SYPL2: variants seen among roughly 807,000 people sequenced by gnomAD.
SYPL2 encodes the protein synaptophysin-like protein 2.
In SYPL2, 24 loss-of-function variants were observed where a neutral mutation model predicts 31.3. That is an observed-to-expected ratio of 0.77 (90% confidence interval 0.56 to 1.08). The LOEUF (loss-of-function observed/expected upper bound fraction) is 1.08, where lower values mean the gene tolerates loss of function less well. Ranked by LOEUF, SYPL2 falls within the 50% of genes least tolerant of loss-of-function variation. The pLI is 0.00. For missense variants in SYPL2, 342 were observed against 360.1 expected (o/e 0.95, Z 0.41); for synonymous variants, 144 against 143.1 (o/e 1.01, Z -0.05).
rs1656108445 is a variant in SYPL2 at position 109,479,644 on chromosome 1, C to T, written c.*96C>T. 1.3e-6 allele frequency: 2 copies of T among 1,515,008 alleles called. No individual in the cohort carries two copies. Among genetic ancestry groups the T allele is most frequent in the South Asian group, 1.3e-5 (1 of 78,318 alleles). 93.8% of individuals were successfully genotyped at this position (1,515,008 alleles called of 1,614,324 possible). On this transcript the variant is annotated 3_prime_UTR_variant, in exon 6 of 6. Transcript: ENST00000369872. ...CTCTTCCTCCTCCTCCAATTCCCCT[C>T]CCCCATCATTCTGGTCTTTGAGCTT...
In SYPL2 at chr1:109,467,131, T is replaced by C. The variant is rs1374569642; in HGVS notation, c.127T>C (p.Trp43Arg). The C allele has an allele frequency of 7.1e-6, 11 of 1,541,342 alleles. No homozygotes were observed. The highest frequency in any genetic ancestry group is 9.6e-6 in the Non-Finnish European group (11 of 1,144,966). ...GCTGGGCTTCATCAAAGTTCTCCAG[T>C]GGGTGAGTCGCTGCCCCGGCCCCGG... ...EPLGFIKVLQ[W>R]LFAIFAFGSC... Residue 43 changes from tryptophan to arginine, a missense_variant and splice_region_variant, in exon 2 of 6, where the codon TGG becomes CGG. Trp to Arg is a moderately radical substitution (Grantham distance 101). Transcript: ENST00000369872.
chr1:109,469,371 T>A (rs1571058153), intron 2 of SYPL2, among the ~76,000 whole-genome samples: 1 of 16,648 alleles, frequency 6.0e-5, no homozygotes, highest in South Asian at 2.7e-3. Flanking sequence ...TATCTTAGAG[T>A]TTTTTTTTTT....
At chr1:109,475,931 C>T (rs543097887) in intron 3 of SYPL2, among the ~76,000 whole-genome samples, 1 of 152,314 alleles carries the variant, frequency 6.6e-6, no homozygotes, top group East Asian at 1.9e-4. Context: ...TAATAATGTT[C>T]CAGTCCATGG....
intron 2 of SYPL2, 111 bp from the exon 3 acceptor site, chr1:109,475,470 C>G (rs927794549): frequency 2.1e-5 from 30 of 1,405,308 alleles, no homozygotes; most frequent in Non-Finnish European, 2.8e-5. Flanking sequence ...GGGATCCTCA[C>G]TCTCCCCCAC....
chr1:109,479,073 G>A (rs1193622806), intron 5 of SYPL2, among the ~76,000 whole-genome samples: 5 of 152,252 alleles, frequency 3.3e-5, no homozygotes, highest in African/African-American at 4.8e-5. Context: ...CCCCAGGGCT[G>A]ACTTTTGCTT....
intron 2 of SYPL2, among the ~76,000 whole-genome samples, chr1:109,474,160 CAG>C (rs1257384189): frequency 6.6e-6 from 1 of 152,144 alleles, no homozygotes; most frequent in Non-Finnish European, 1.5e-5. Flanking sequence ...AAGAAAGATA[CAG>C]AGAGTGAACA....
intron 3 of SYPL2, 134 bp downstream of exon 3, chr1:109,475,839 C>G (rs1655984170): frequency 7.5e-7 from 1 of 1,324,708 alleles, no homozygotes; most frequent in Non-Finnish European, 1.0e-6. Flanking sequence ...AATGACAAAA[C>G]TTAGATCCTT....
chr1:109,474,318 CTTTTCTT>C (rs1314098997), intron 2 of SYPL2, among the ~76,000 whole-genome samples: 3 of 119,452 alleles, frequency 2.5e-5, no homozygotes, highest in African/African-American at 1.1e-4. Flanking sequence ...CTTTTCTTTT[CTTTTCTT>C]TTTTTTTTTT....
chr1:109,475,817 A>G (rs1046597284), intron 3 of SYPL2, 112 bp downstream of exon 3: 16 of 1,429,236 alleles, frequency 1.1e-5, no homozygotes, highest in Non-Finnish European at 1.3e-5. Context: ...GTGCCACTCC[A>G]GATTCAAATA....
At position 109,466,715 on chromosome 1, in the gene SYPL2, C is replaced by T; in HGVS notation, c.-129C>T. On this transcript the variant is annotated 5_prime_UTR_variant, in exon 1 of 6. Coordinates refer to ENST00000369872, the MANE Select transcript of SYPL2 (RefSeq NM_001040709.2). The stretch of plus-strand genomic sequence containing the variant: ...AGACTGGACTCCGGCCCACCGACGG[C>T]CGCTCGCGCTCCGGCCCCGCTCGCC... 2.0e-6 allele frequency: 2 copies of T among 1,020,348 alleles called. No homozygotes were observed. Among genetic ancestry groups the T allele is most frequent in the Non-Finnish European group, 2.6e-6 (2 of 773,074 alleles). The allele number at this position is 1,020,348 out of a possible 1,614,324, so 63.2% of individuals were successfully genotyped here. A position where few individuals can be genotyped will look rare whatever the true frequency, so the allele number is the denominator to read the frequency against.
intron 2 of SYPL2, among the ~76,000 whole-genome samples, chr1:109,473,728 T>A (rs1268638859): frequency 6.6e-6 from 1 of 151,364 alleles, no homozygotes; most frequent in Non-Finnish European, 1.5e-5. Flanking sequence ...CCGTCTCTAC[T>A]AAAAAAAATA....
intron 2 of SYPL2, among the ~76,000 whole-genome samples, chr1:109,474,080 C>T (rs1302322286): frequency 1.3e-5 from 2 of 152,166 alleles, no homozygotes; most frequent in East Asian, 1.9e-4. Flanking sequence ...CTATTCTAGA[C>T]TCTGGATGCA....
At chr1:109,468,056 A>G (rs1189344315) in intron 2 of SYPL2, among the ~76,000 whole-genome samples, 1 of 152,204 alleles carries the variant, frequency 6.6e-6, no homozygotes, top group Non-Finnish European at 1.5e-5. Context: ...TAGTGGAAAT[A>G]CTATCTTGCT....
chr1:109,467,720 G>A (rs188121649), intron 2 of SYPL2, among the ~76,000 whole-genome samples: 31 of 152,216 alleles, frequency 2.0e-4, no homozygotes, highest in Admixed American at 9.2e-4. Context: ...GGAGCTTGTG[G>A]TTCTATGATT....
chr1:109,472,823 C>G (rs1182670563), intron 2 of SYPL2, among the ~76,000 whole-genome samples: 1 of 151,636 alleles, frequency 6.6e-6, no homozygotes, highest in East Asian at 1.9e-4. Flanking sequence ...GCTATGTTGC[C>G]TATATGTTGC....
intron 2 of SYPL2, among the ~76,000 whole-genome samples, chr1:109,472,512 G>A (rs886229545): frequency 2.6e-5 from 4 of 151,916 alleles, no homozygotes; most frequent in Non-Finnish European, 4.4e-5. Context: ...AGATGCTCAG[G>A]AGTGCCTTTC....
intron 2 of SYPL2, among the ~76,000 whole-genome samples, chr1:109,474,409 C>T (rs1278840): frequency 6.7e-6 from 1 of 149,244 alleles, no homozygotes; most frequent in African/African-American, 2.5e-5. Context: ...ACGATCTCGG[C>T]TCACTGCAAC....
intron 2 of SYPL2, 73 bp downstream of exon 2, chr1:109,467,206 G>T: frequency 7.1e-7 from 1 of 1,401,642 alleles, no homozygotes; most frequent in South Asian, 1.4e-5. Flanking sequence ...AATGGAGCCA[G>T]GGTGGGGGCT....
In SYPL2 at chr1:109,466,704, CCCA is replaced by C; in HGVS notation, c.-137_-135del. 1 of 874,682 alleles carries C rather than the reference CCCA, an allele frequency of 1.1e-6. No homozygotes were observed. The highest frequency in any genetic ancestry group is 1.6e-6 in the Non-Finnish European group (1 of 642,400). 54.2% of individuals were successfully genotyped at this position (874,682 alleles called of 1,614,324 possible). ...GCCAGCCAGCCAGACTGGACTCCGGCCCACCGACGGCCGCTCGCGCTCCGGCCC... is the reference window on the plus strand; with the variant it reads ...GCCAGCCAGCCAGACTGGACTCCGGCCCGACGGCCGCTCGCGCTCCGGCCC... On this transcript the variant is annotated 5_prime_UTR_variant, in exon 1 of 6. Coordinates refer to ENST00000369872, the MANE Select transcript of SYPL2 (RefSeq NM_001040709.2).
Sources: allele counts gnomAD v4.1 joint callset (sites outside exome capture counted in the v4.1 genomes callset), GRCh38; gene constraint gnomAD v4.1.1; transcripts MANE v1.5; gene names NCBI Gene and HGNC (gene_info 2026-07-23, HGNC 2026-07-21).